The following SIM2 variants were observed in gnomAD, a reference collection of about 807,000 sequenced individuals.
SIM2 encodes the protein SIM bHLH transcription factor 2, also known as single-minded homolog 2.
In SIM2, 28 loss-of-function variants were observed where a neutral mutation model predicts 64.8. The observed-to-expected ratio is 0.43, with a 90% confidence interval of 0.32 to 0.59. The LOEUF (loss-of-function observed/expected upper bound fraction) is 0.59. Ranked by LOEUF, SIM2 falls within the 20% of genes least tolerant of loss-of-function variation. The pLI is 0.07. For missense variants in SIM2, 847 were observed against 871.4 expected (o/e 0.97, Z 0.35); for synonymous variants, 408 against 391.1 (o/e 1.04, Z -0.51).
chr21:36,735,057 C>T (rs181099213), intron 7 of SIM2, among the ~76,000 whole-genome samples: 5 of 152,264 alleles, frequency 3.3e-5, no homozygotes, highest in East Asian at 3.9e-4. Flanking sequence ...TGGCTACAGC[C>T]GAGGGAGGCT....
intron 7 of SIM2, among the ~76,000 whole-genome samples, chr21:36,731,820 CG>C (rs1272048535): frequency 2.6e-5 from 4 of 152,076 alleles, no homozygotes; most frequent in South Asian, 2.1e-4. Context: ...GATATAGAGG[CG>C]GATGCTCTAG....
rs147416365 is a variant in SIM2 at position 36,734,043 on chromosome 21, CAG to C, written c.850+2893_850+2894del. Among the ~76,000 whole-genome samples the C allele has an allele frequency of 8.4e-3, 1,278 of 152,254 alleles. 28 individuals carry two copies. In the East Asian group the frequency reaches 0.084, roughly 10 times the overall value. On this transcript the variant is annotated intron_variant, in intron 7 of 10. Coordinates refer to ENST00000290399, the MANE Select transcript of SIM2 (RefSeq NM_005069.6). ...TTTCCCAGGTGATCAGGGTGAGACT[CAG>C]GGGACACTTGTCCAAGGGCAGCAGT...
chr21:36,713,754 C>T (rs953472781), intron 3 of SIM2, among the ~76,000 whole-genome samples: 8 of 152,138 alleles, frequency 5.3e-5, no homozygotes, highest in African/African-American at 1.7e-4. Flanking sequence ...TTTTTATAAG[C>T]TTGCTATTTA....
intron 1 of SIM2, 103 bp downstream of exon 1, chr21:36,700,024 C>T (rs2088466654): frequency 4.0e-6 from 5 of 1,240,476 alleles, no homozygotes; most frequent in South Asian, 2.9e-5. Flanking sequence ...CGCGGCCTGG[C>T]GTCCAGAGCT....
At chr21:36,723,357 G>A (rs1459622985) in intron 5 of SIM2, among the ~76,000 whole-genome samples, 1 of 152,194 alleles carries the variant, frequency 6.6e-6, no homozygotes, top group African/African-American at 2.4e-5. Context: ...CGGAATCAGT[G>A]TGGCTTAGGG....
Position 36,748,162 on chromosome 21 carries a change from A to G in SIM2, c.*70A>G, listed in dbSNP as rs2089260851. 1.4e-6 allele frequency: 1 copy of G among 715,406 alleles called. No individual in the cohort carries two copies. Among genetic ancestry groups the G allele is most frequent in the Non-Finnish European group, 1.8e-6 (1 of 556,156 alleles). 44.3% of individuals were successfully genotyped at this position (715,406 alleles called of 1,614,324 possible). On this transcript the variant is annotated 3_prime_UTR_variant, in exon 11 of 11. Coordinates refer to ENST00000290399, the MANE Select transcript of SIM2 (RefSeq NM_005069.6). ...GCTGCGGCGCCACCGAGCCCGGCAAATGCGCACGACCTACATTAATTTATG... is the reference window on the plus strand; with the variant it reads ...GCTGCGGCGCCACCGAGCCCGGCAAGTGCGCACGACCTACATTAATTTATG...
chr21:36,735,484 C>A (rs1010561352), intron 7 of SIM2, among the ~76,000 whole-genome samples: 1 of 152,228 alleles, frequency 6.6e-6, no homozygotes, highest in Non-Finnish European at 1.5e-5. Flanking sequence ...GTCCTTACAC[C>A]CACACCACTG....
intron 6 of SIM2, among the ~76,000 whole-genome samples, chr21:36,730,466 G>A (rs535026363): frequency 6.6e-6 from 1 of 152,324 alleles, no homozygotes; most frequent in East Asian, 1.9e-4. Context: ...GGCTACTGGG[G>A]GCTGGGCAGG....
At chr21:36,722,040 C>G (rs192549979) in intron 4 of SIM2, among the ~76,000 whole-genome samples, 1 of 152,172 alleles carries the variant, frequency 6.6e-6, no homozygotes, top group Non-Finnish European at 1.5e-5. Flanking sequence ...CCAGCTGCTC[C>G]CTTGCTGACT....
chr21:36,700,639 A>G (rs2088478256), intron 1 of SIM2, among the ~76,000 whole-genome samples: 1 of 151,928 alleles, frequency 6.6e-6, no homozygotes, highest in East Asian at 1.9e-4. Context: ...GTCAGCGGGG[A>G]TCACGGTGAG....
chr21:36,741,871 C>T lies in SIM2; in HGVS notation c.998+7C>T, dbSNP rs774095275. 5.1e-6 allele frequency: 8 copies of T among 1,565,896 alleles called. No homozygotes were observed. Among genetic ancestry groups the T allele is most frequent in the South Asian group, 1.2e-5 (1 of 84,748 alleles). ...GTGTCAATTATGTACTCACGTAAGT[C>T]ACACGTATTTGTTTCTCTCCTTGCT... On this transcript the variant is annotated splice_region_variant and intron_variant, in intron 8 of 10. Transcript: ENST00000290399.
intron 1 of SIM2, among the ~76,000 whole-genome samples, chr21:36,707,073 A>T (rs1357461284): frequency 1.3e-5 from 2 of 152,150 alleles, no homozygotes; most frequent in Non-Finnish European, 2.9e-5. Context: ...TGGGCTTTGC[A>T]AGAAGCCAGG....
At chr21:36,718,626 C>T (rs1415176618) in intron 3 of SIM2, among the ~76,000 whole-genome samples, 2 of 152,216 alleles carry the variant, frequency 1.3e-5, no homozygotes, top group African/African-American at 4.8e-5. Context: ...AGTTTCTTCT[C>T]AGGCTGGGCA....
At chr21:36,700,026 T>C (rs753362769) in intron 1 of SIM2, 105 bp downstream of exon 1, 3 of 1,235,960 alleles carry the variant, frequency 2.4e-6, no homozygotes, top group Non-Finnish European at 3.3e-6. Flanking sequence ...CGGCCTGGCG[T>C]CCAGAGCTGG....
intron 9 of SIM2, 25 bp downstream of exon 9, chr21:36,743,580 G>C (rs771431957): frequency 3.2e-5 from 51 of 1,607,506 alleles, no homozygotes; most frequent in Non-Finnish European, 4.2e-5. Context: ...CTGCAGTTTT[G>C]GGGTGCTGAC....
At position 36,709,200 on chromosome 21, in the gene SIM2, G is replaced by T; in HGVS notation, c.208G>T (p.Ala70Ser). 6.2e-7 allele frequency: 1 copy of T among 1,610,614 alleles called. No homozygotes were observed. The highest frequency in any genetic ancestry group is 8.5e-7 in the Non-Finnish European group (1 of 1,178,882). Residue 70 changes from alanine (A) to serine (S), a missense_variant, in exon 2 of 11, where the codon GCC (alanine) becomes TCC (serine). Transcript: ENST00000290399. ...LGDAWGQPSR[A>S]GPLDGVAKEL... ...AGACGCGTGGGGACAGCCGAGCCGC[G>T]CCGGGCCCCTGGACGGCGTCGCCAA...
intron 3 of SIM2, among the ~76,000 whole-genome samples, chr21:36,712,935 G>C (rs1009046634): frequency 4.6e-5 from 7 of 152,178 alleles, no homozygotes; most frequent in African/African-American, 1.7e-4. Context: ...GCCCTGAAAA[G>C]AGCTCCACAA....
intron 8 of SIM2, among the ~76,000 whole-genome samples, chr21:36,742,213 C>T (rs1034666441): frequency 7.2e-5 from 11 of 151,978 alleles, no homozygotes; most frequent in Admixed American, 2.0e-4. Context: ...GTGCACACCC[C>T]CCATCAAGAA....
intron 2 of SIM2, among the ~76,000 whole-genome samples, chr21:36,712,323 A>T (rs1437888793): frequency 1.3e-5 from 2 of 152,214 alleles, no homozygotes; most frequent in Non-Finnish European, 2.9e-5. Flanking sequence ...AAAGTGCTTT[A>T]AAAGCATTTC....
Sources: gnomAD v4.1 joint callset for allele counts (sites outside exome capture counted in the v4.1 genomes callset) on GRCh38, gnomAD v4.1.1 for gene constraint, MANE v1.5 for transcripts, NCBI Gene and HGNC (gene_info 2026-07-23, HGNC 2026-07-21) for gene names.